STPG2: variants seen among roughly 807,000 people sequenced by gnomAD.
STPG2 encodes sperm-tail PG-rich repeat-containing protein 2.
A neutral mutation model predicts 54.2 loss-of-function variants in STPG2; 56 were observed. That is an observed-to-expected ratio of 1.03 (90% CI 0.83 to 1.29). The LOEUF is 1.29. STPG2 is among the 50% of genes most tolerant of loss of function. STPG2 has a pLI of 0.00. For missense variants in STPG2, 596 were observed against 544.9 expected, an observed-to-expected ratio of 1.09 and a Z score of -0.93; for synonymous variants, 200 against 181.8, an observed-to-expected ratio of 1.10 and a Z score of -0.81.
intron 10 of STPG2, among the ~76,000 whole-genome samples, chr4:97,712,341 T>C (rs769709486): frequency 1.3e-5 from 2 of 152,168 alleles, no homozygotes; most frequent in Non-Finnish European, 2.9e-5. Flanking sequence ...CAGGGCTTTC[T>C]TGTGAGCTCT....
chr4:97,529,159 C>A (rs976906336), intron 4 of STPG2, among the ~76,000 whole-genome samples: 1 of 152,170 alleles, frequency 6.6e-6, no homozygotes, highest in Non-Finnish European at 1.5e-5. Flanking sequence ...TACATTCCAT[C>A]AATACCTAGT....
chr4:97,798,091 T>C (rs1189287492), intron 9 of STPG2, among the ~76,000 whole-genome samples: 1 of 152,182 alleles, frequency 6.6e-6, no homozygotes, highest in Non-Finnish European at 1.5e-5. Flanking sequence ...TTATTACTCT[T>C]GCTAGTGGTC....
intron 4 of STPG2, among the ~76,000 whole-genome samples, chr4:97,507,094 G>T (rs1007067116): frequency 6.6e-6 from 1 of 152,012 alleles, no homozygotes. Context: ...GGGAGGCTGA[G>T]GCAGGAGGAT....
At chr4:97,908,215 C>G (rs372408349) in intron 8 of STPG2, among the ~76,000 whole-genome samples, 25 of 152,036 alleles carry the variant, frequency 1.6e-4, no homozygotes, top group Non-Finnish European at 2.5e-4. Flanking sequence ...GACATGAACA[C>G]ACACTTCTCA....
chr4:97,625,981 C>G (rs985735611), intron 10 of STPG2, among the ~76,000 whole-genome samples: 3 of 152,150 alleles, frequency 2.0e-5, no homozygotes, highest in Admixed American at 6.5e-5. Flanking sequence ...AGTTGAGCTT[C>G]TTAAAGTTGG....
intron 5 of STPG2, among the ~76,000 whole-genome samples, chr4:98,033,137 C>A (rs1023556718): frequency 2.7e-5 from 4 of 150,710 alleles, no homozygotes; most frequent in African/African-American, 4.9e-5. Context: ...ACAAAAAAAA[C>A]CCTTCAAAAA....
At chr4:97,954,961 C>T (rs1281728570) in intron 7 of STPG2, among the ~76,000 whole-genome samples, 1 of 151,516 alleles carries the variant, frequency 6.6e-6, no homozygotes, top group Non-Finnish European at 1.5e-5. Flanking sequence ...TTAATGTGTT[C>T]AATAAAACAG....
chr4:97,568,254 A>G (rs1254793317), intron 10 of STPG2, among the ~76,000 whole-genome samples: 1 of 152,178 alleles, frequency 6.6e-6, no homozygotes, highest in Non-Finnish European at 1.5e-5. Context: ...TTTTTCACAG[A>G]TATATTGGGT....
chr4:97,943,582 A>G (rs777648950), intron 8 of STPG2, among the ~76,000 whole-genome samples: 2 of 152,204 alleles, frequency 1.3e-5, no homozygotes, highest in Admixed American at 6.5e-5. Context: ...TATGAGTAAA[A>G]TGAGTTGAAC....
intron 4 of STPG2, among the ~76,000 whole-genome samples, chr4:97,446,586 A>G (rs1055735589): frequency 6.6e-6 from 1 of 152,158 alleles, no homozygotes; most frequent in Non-Finnish European, 1.5e-5. Context: ...CCATGTATCA[A>G]GGGAGGGACC....
intron 10 of STPG2, among the ~76,000 whole-genome samples, chr4:97,627,570 T>C (rs1560691871): frequency 6.6e-6 from 1 of 152,098 alleles, no homozygotes; most frequent in Non-Finnish European, 1.5e-5. Context: ...GTATCTTGAA[T>C]AGTTTTCCTA....
intron 10 of STPG2, among the ~76,000 whole-genome samples, chr4:97,663,955 A>G (rs1722449398): frequency 6.6e-6 from 1 of 152,186 alleles, no homozygotes; most frequent in Admixed American, 6.5e-5. Flanking sequence ...AAAATTTCCT[A>G]AAGTTATTAT....
At chr4:97,607,906 TGA>T (rs1346656887) in intron 10 of STPG2, among the ~76,000 whole-genome samples, 1 of 151,918 alleles carries the variant, frequency 6.6e-6, no homozygotes, top group Non-Finnish European at 1.5e-5. Context: ...CAAGTACACA[TGA>T]GGTTCAGTTT....
intron 5 of STPG2, among the ~76,000 whole-genome samples, chr4:98,047,298 T>C (rs550561892): frequency 6.6e-6 from 1 of 152,228 alleles, no homozygotes; most frequent in Admixed American, 6.5e-5. Flanking sequence ...CCTGATTTTA[T>C]CACTGAAGCA....
At chr4:97,550,353 A>G (rs1222596175) in intron 4 of STPG2, among the ~76,000 whole-genome samples, 2 of 152,070 alleles carry the variant, frequency 1.3e-5, no homozygotes, top group Non-Finnish European at 2.9e-5. Context: ...GTACCTAACA[A>G]ATAAGTGAAG....
chr4:98,030,891 T>C (rs902788298), intron 5 of STPG2, among the ~76,000 whole-genome samples: 6 of 152,206 alleles, frequency 3.9e-5, no homozygotes, highest in East Asian at 3.9e-4. Flanking sequence ...TAACTCAAGA[T>C]AGATTAAAGA....
At chr4:97,558,525 C>T (rs1016297058), downstream of STPG2, among the ~76,000 whole-genome samples, 2 of 152,192 alleles carry the variant, frequency 1.3e-5, no homozygotes, top group Admixed American at 6.5e-5. Context: ...AGCCAGCTGC[C>T]TTATTGTATG....
Position 97,615,610 on chromosome 4 carries a change from C to T in STPG2, c.1321-56493G>A, listed in dbSNP as rs553055383. Among the ~76,000 whole-genome samples the T allele has an allele frequency of 3.3e-5, 5 of 151,996 alleles. No homozygotes were observed. In the South Asian group the frequency reaches 1.0e-3, roughly 31 times the overall value. ...AGTATTTTTAAAATCCCAAAACTTA[C>T]CATGGTACATGATATGATAGATACA... On this transcript the variant is annotated intron_variant, in intron 10 of 10. Coordinates refer to ENST00000295268, the MANE Select transcript of STPG2 (RefSeq NM_174952.3).
intron 5 of STPG2, among the ~76,000 whole-genome samples, chr4:98,090,174 T>A (rs923144260): frequency 1.1e-4 from 16 of 152,268 alleles, no homozygotes; most frequent in Admixed American, 9.8e-4. Context: ...AGAATTTTTA[T>A]GGTTTCAGGT....
Sources: gnomAD v4.1 joint callset for allele counts (sites outside exome capture counted in the v4.1 genomes callset) on GRCh38, gnomAD v4.1.1 for gene constraint, MANE v1.5 for transcripts, NCBI Gene and HGNC (gene_info 2026-07-23, HGNC 2026-07-21) for gene names.